The following ZNF827 variants were observed in gnomAD, a reference collection of about 807,000 sequenced individuals.
ZNF827 encodes the protein zinc finger protein 827.
Under a neutral mutation model 102.4 loss-of-function variants are expected in ZNF827, and 13 were observed. That is an observed-to-expected ratio of 0.13 (90% CI 0.08 to 0.20). ZNF827 has a LOEUF of 0.20. ZNF827 is among the 10% of genes least tolerant of loss of function. The pLI is 1.00. For synonymous variants in ZNF827, 523 were observed against 536.2 expected (o/e 0.98, Z 0.34); for missense variants, 1,103 against 1,344.4 (o/e 0.82, Z 2.81).
rs1357661526 is a variant in ZNF827, at chr4:145,781,238, A to G, written c.2384-1727T>C. 5.3e-5 allele frequency among the ~76,000 whole-genome samples: 8 copies of G among 150,806 alleles called. No homozygotes were observed. In the South Asian group the frequency reaches 1.3e-3, roughly 24 times the overall value. Reference sequence around the variant, plus strand: ...AAAAAGAAAAAAAAAGAAAAAAAAAAAAAGAAAATGCTCACAACATGGGTC... The same window carrying G: ...AAAAAGAAAAAAAAAGAAAAAAAAAGAAAGAAAATGCTCACAACATGGGTC... On this transcript the variant is annotated intron_variant, in intron 8 of 14. Transcript: ENST00000508784.
intron 3 of ZNF827, among the ~76,000 whole-genome samples, chr4:145,887,836 C>T (rs911149023): frequency 2.6e-5 from 4 of 152,176 alleles, no homozygotes; most frequent in African/African-American, 9.7e-5. Flanking sequence ...AAAAGCATGC[C>T]CTGGAACCAG....
chr4:145,826,724 G>A (rs72954622), intron 7 of ZNF827, among the ~76,000 whole-genome samples: 1,549 of 152,264 alleles, frequency 0.01, 30 homozygotes, highest in African/African-American at 0.035. Flanking sequence ...AGTACTATCT[G>A]AGGTTTCCGG....
At chr4:145,880,477 C>A (rs960772365) in intron 4 of ZNF827, among the ~76,000 whole-genome samples, 3 of 152,312 alleles carry the variant, frequency 2.0e-5, no homozygotes, top group African/African-American at 7.2e-5. Flanking sequence ...GCAATCCAGG[C>A]CCCACTTACG....
In ZNF827 at chr4:145,761,112, C is replaced by G; in HGVS notation, c.*504G>C. 7.8e-7 allele frequency: 1 copy of G among 1,289,584 alleles called. No individual in the cohort carries two copies. Among genetic ancestry groups the G allele is most frequent in the Non-Finnish European group, 1.0e-6 (1 of 988,728 alleles). 79.9% of individuals were successfully genotyped at this position (1,289,584 alleles called of 1,614,324 possible). A position where few individuals can be genotyped will look rare whatever the true frequency, so the allele number is the denominator to read the frequency against. On this transcript the variant is annotated 3_prime_UTR_variant, in exon 15 of 15. Transcript: ENST00000508784. This position sits in a 1 kb window ranked among gnomAD's most constrained non-coding sequence, Gnocchi z 6.8. ...ACAGGAGATTCCGGGAGCTCCCGACCACCAGGAGCGGGGCCCCCGGGCCGG... is the reference window on the plus strand; with the variant it reads ...ACAGGAGATTCCGGGAGCTCCCGACGACCAGGAGCGGGGCCCCCGGGCCGG...
chr4:145,903,298 T>A, intron 1 of ZNF827, 83 bp from the exon 2 acceptor site: 1 of 1,493,100 alleles, frequency 6.7e-7, no homozygotes, highest in Non-Finnish European at 8.9e-7. Flanking sequence ...GGTGATGACA[T>A]GCTTTCTCTT....
At chr4:145,825,540 C>G (rs1008886492) in intron 7 of ZNF827, among the ~76,000 whole-genome samples, 3 of 152,188 alleles carry the variant, frequency 2.0e-5, no homozygotes, top group African/African-American at 7.2e-5. Flanking sequence ...AGCAGCGACA[C>G]TTGCAGGTCG....
intron 3 of ZNF827, among the ~76,000 whole-genome samples, chr4:145,890,442 AC>A (rs1750504842): frequency 6.6e-6 from 1 of 152,174 alleles, no homozygotes; most frequent in Non-Finnish European, 1.5e-5. Flanking sequence ...TCATCAAGGC[AC>A]CCAACTCATC....
chr4:145,919,435 A>C (rs763227123), intron 1 of ZNF827, among the ~76,000 whole-genome samples: 4 of 152,238 alleles, frequency 2.6e-5, no homozygotes, highest in Non-Finnish European at 5.9e-5. Context: ...TCATTCCTGC[A>C]TCACTCTGCT....
intron 1 of ZNF827, among the ~76,000 whole-genome samples, chr4:145,930,838 CG>C (rs1290049367): frequency 6.6e-6 from 1 of 151,008 alleles, no homozygotes; most frequent in Non-Finnish European, 1.5e-5. Context: ...TGTGTGTGTG[CG>C]TGTGTGTGTG....
chr4:145,818,481 C>T (rs1161985042), intron 8 of ZNF827, among the ~76,000 whole-genome samples: 1 of 152,216 alleles, frequency 6.6e-6, no homozygotes, highest in Non-Finnish European at 1.5e-5. Context: ...CTGCTAGCTT[C>T]TTTCTCTGTA....
intron 5 of ZNF827, among the ~76,000 whole-genome samples, chr4:145,857,607 A>G (rs1747277466): frequency 6.6e-6 from 1 of 152,234 alleles, no homozygotes; most frequent in Non-Finnish European, 1.5e-5. Context: ...TCCCTCAAAC[A>G]TAACAAATTC....
At chr4:145,826,796 G>A (rs1743727405) in intron 7 of ZNF827, among the ~76,000 whole-genome samples, 1 of 151,976 alleles carries the variant, frequency 6.6e-6, no homozygotes. Context: ...GCCCAGGCTG[G>A]AGTGCAATGG....
chr4:145,832,105 A>C (rs1447135246), intron 7 of ZNF827: 1 of 152,166 alleles, frequency 6.6e-6, no homozygotes, highest in East Asian at 1.9e-4. Flanking sequence ...CTCTACAAAA[A>C]AATACAAAAA....
intron 4 of ZNF827, among the ~76,000 whole-genome samples, chr4:145,884,376 A>G (rs1749930093): frequency 6.6e-6 from 1 of 152,204 alleles, no homozygotes; most frequent in Admixed American, 6.5e-5. Context: ...TCACCTGGCA[A>G]TGACATTTAG....
chr4:145,883,303 T>C (rs1044616380), intron 4 of ZNF827, among the ~76,000 whole-genome samples: 1 of 152,234 alleles, frequency 6.6e-6, no homozygotes, highest in African/African-American at 2.4e-5. Flanking sequence ...CATGGGCCTT[T>C]TGCATAAATA....
chr4:145,774,292 G>C (rs946675621), intron 11 of ZNF827, among the ~76,000 whole-genome samples: 3 of 152,170 alleles, frequency 2.0e-5, no homozygotes, highest in Non-Finnish European at 4.4e-5. Context: ...ATCTGAACTT[G>C]GGAGTCTTTC....
intron 8 of ZNF827, among the ~76,000 whole-genome samples, chr4:145,808,454 A>G (rs1399782387): frequency 6.6e-6 from 1 of 152,166 alleles, no homozygotes; most frequent in African/African-American, 2.4e-5. Flanking sequence ...AAAAAGAAGC[A>G]ACTCATTTGA....
At chr4:145,796,143 G>C (rs1740355882) in intron 8 of ZNF827, among the ~76,000 whole-genome samples, 1 of 152,076 alleles carries the variant, frequency 6.6e-6, no homozygotes, top group Non-Finnish European at 1.5e-5. Context: ...GATTCCACCG[G>C]GTGAAAAACT....
chr4:145,892,129 A>G (rs966799399), intron 3 of ZNF827, 114 bp downstream of exon 3: 12 of 982,830 alleles, frequency 1.2e-5, no homozygotes, highest in Non-Finnish European at 1.6e-5. Context: ...TGTCATCCGC[A>G]TGTTTCATCA....
Sources: gnomAD v4.1 joint callset for allele counts (sites outside exome capture counted in the v4.1 genomes callset) on GRCh38, gnomAD v4.1.1 for gene constraint, Gnocchi (gnomAD v3.1) non-coding constraint, MANE v1.5 for transcripts, NCBI Gene and HGNC (gene_info 2026-07-23, HGNC 2026-07-21) for gene names.